FRMD6: variants seen among roughly 807,000 people sequenced by gnomAD.
FRMD6 encodes FERM domain containing 6, also known as FERM domain-containing protein 6.
A neutral mutation model predicts 73.2 loss-of-function variants in FRMD6; 37 were observed. The ratio of observed to expected loss-of-function variants is 0.51; its 90% CI spans 0.39 to 0.66. FRMD6 has a LOEUF of 0.66. Among genes scored for constraint, FRMD6 ranks in the 30% least tolerant of loss-of-function variants. The pLI is 0.00. For missense variants in FRMD6, 714 were observed against 780.5 expected, an observed-to-expected ratio of 0.91 and a Z score of 1.02; for synonymous variants, 273 against 282.2, an observed-to-expected ratio of 0.97 and a Z score of 0.33.
chr14:51,555,445 A>G (rs1307119842), intron 1 of FRMD6, among the ~76,000 whole-genome samples: 1 of 152,180 alleles, frequency 6.6e-6, no homozygotes, highest in Non-Finnish European at 1.5e-5. Flanking sequence ...GAGACAATTA[A>G]TTGGAAGCAC....
intron 2 of FRMD6, among the ~76,000 whole-genome samples, chr14:51,619,463 A>G (rs1375985298): frequency 6.6e-6 from 1 of 152,200 alleles, no homozygotes; most frequent in Non-Finnish European, 1.5e-5. Context: ...ACGTAAACAA[A>G]TAGTTACCCT....
chr14:51,430,804 C>T, the FRMD6 span, among the ~76,000 whole-genome samples: 1 of 152,110 alleles, frequency 6.6e-6, no homozygotes, highest in South Asian at 2.1e-4. Flanking sequence ...TTCAAGGGAT[C>T]TTTTATTCCC....
intron 2 of FRMD6, among the ~76,000 whole-genome samples, chr14:51,622,989 C>T (rs985354800): frequency 2.0e-5 from 3 of 152,084 alleles, no homozygotes; most frequent in Admixed American, 1.3e-4. Flanking sequence ...AGACTGGTCT[C>T]GAACTCCTAG....
Position 51,711,578 on chromosome 14 carries a change from G to A in FRMD6, c.762G>A (p.Arg254=), listed in dbSNP as rs1199542463. Residue 254 remains arginine, a synonymous_variant, in exon 8 of 14, where the codon AGG becomes AGA. Coordinates refer to ENST00000344768, the MANE Select transcript of FRMD6 (RefSeq NM_001267046.2). ...CGCTGACTCTTGGATTGACCATGAG[G>A]GGAATACAGATTTTTCAGGTTGGTA... is the stretch of plus-strand genomic sequence containing the variant. The part of the protein sequence containing the change: ...EASLTLGLTM[R]GIQIFQNLDE... 6.2e-6 allele frequency: 10 copies of A among 1,606,776 alleles called. No individual in the cohort carries two copies. In the Middle Eastern group the frequency reaches 6.6e-4, roughly 107 times the overall value.
chr14:51,412,957 A>C, the FRMD6 span, among the ~76,000 whole-genome samples: 1 of 152,010 alleles, frequency 6.6e-6, no homozygotes, highest in Non-Finnish European at 1.5e-5. Context: ...GCACCTGTAA[A>C]GATAAACTGT....
the FRMD6 span, among the ~76,000 whole-genome samples, chr14:51,400,352 G>A: frequency 6.6e-6 from 1 of 152,048 alleles, no homozygotes; most frequent in African/African-American, 2.4e-5. Flanking sequence ...TGCAAGTGAG[G>A]TCATATGGTA....
intron 5 of FRMD6, 29 bp downstream of exon 5, chr14:51,702,617 C>A: frequency 6.4e-7 from 1 of 1,555,228 alleles, no homozygotes; most frequent in African/African-American, 1.4e-5. Flanking sequence ...ATTCTAAACG[C>A]TTTTTTTTCC....
intron 1 of FRMD6, among the ~76,000 whole-genome samples, chr14:51,525,274 A>T (rs1461422214): frequency 1.3e-5 from 2 of 151,496 alleles, no homozygotes; most frequent in Non-Finnish European, 2.9e-5. Flanking sequence ...ATTTTTATTT[A>T]TTTATTTTTT....
intron 1 of FRMD6, among the ~76,000 whole-genome samples, chr14:51,560,693 A>G (rs184889294): frequency 1.5e-4 from 23 of 152,306 alleles, no homozygotes; most frequent in African/African-American, 5.3e-4. Context: ...CATGTTGATC[A>G]GTCTGGTCTC....
chr14:51,611,937 G>A (rs983179460), intron 2 of FRMD6, among the ~76,000 whole-genome samples: 1 of 151,886 alleles, frequency 6.6e-6, no homozygotes, highest in Non-Finnish European at 1.5e-5. Flanking sequence ...AAAAAACAGT[G>A]GCAGAAAAAT....
intron 2 of FRMD6, among the ~76,000 whole-genome samples, chr14:51,594,342 T>A (rs377624990): frequency 3.1e-5 from 2 of 65,162 alleles, no homozygotes; most frequent in East Asian, 2.9e-4. Flanking sequence ...TTATTTATTT[T>A]TTTGAGACGG....
At chr14:51,544,934 G>A (rs1206617096) in intron 1 of FRMD6, among the ~76,000 whole-genome samples, 1 of 151,970 alleles carries the variant, frequency 6.6e-6, no homozygotes, top group Non-Finnish European at 1.5e-5. Flanking sequence ...TTACAACTCA[G>A]TATTTTCCAT....
In FRMD6 at chr14:51,729,717, G is replaced by A. The variant is rs894117940; in HGVS notation, c.*1688G>A. The A allele has an allele frequency of 2.0e-5, 3 of 152,680 alleles. No homozygotes were observed. Among genetic ancestry groups the A allele is most frequent in the African/African-American group, 4.8e-5 (2 of 41,462 alleles). The allele number at this position is 152,680 out of a possible 1,614,324, so 9.5% of individuals were successfully genotyped here. A position where few individuals can be genotyped will look rare whatever the true frequency, so the allele number is the denominator to read the frequency against. ...CAGTGTTACCCCTGGCTGGGAGTCA[G>A]TATTATACAACAAATGGTGAGCTGG... is the stretch of plus-strand genomic sequence containing the variant. On this transcript the variant is annotated 3_prime_UTR_variant, in exon 14 of 14. Transcript: ENST00000344768.
intron 1 of FRMD6, among the ~76,000 whole-genome samples, chr14:51,558,038 C>T (rs116000938): frequency 0.012 from 1,879 of 151,786 alleles, 33 homozygotes; most frequent in African/African-American, 0.042. Flanking sequence ...CCGAAAGATA[C>T]AAAGATGATT....
chr14:51,674,361 G>A (rs1421744573), intron 1 of FRMD6, among the ~76,000 whole-genome samples: 1 of 152,142 alleles, frequency 6.6e-6, no homozygotes, highest in Non-Finnish European at 1.5e-5. Context: ...GCAATTAATT[G>A]TAGGCAATAT....
In FRMD6 at chr14:51,585,939, G is replaced by GTATATATATA. The variant is rs3060587; in HGVS notation, c.-147+15542_-147+15551dup. Among the ~76,000 whole-genome samples, 56 of 31,416 alleles carry GTATATATATA rather than the reference G, an allele frequency of 1.8e-3. 4 individuals are homozygous for GTATATATATA. Among genetic ancestry groups the GTATATATATA allele is most frequent in the African/African-American group, 3.7e-3 (54 of 14,638 alleles). 20.6% of individuals were successfully genotyped at this position (31,416 alleles called of 152,430 possible). ...TGCCATGGCATGTGTGTGTGTGTGT[G>GTATATATATA]TATATATATATATATATATATAACA... On this transcript the variant is annotated intron_variant, in intron 2 of 14. Coordinates refer to the FRMD6 transcript ENST00000356218.
chr14:51,551,440 A>G (rs1193746340), intron 1 of FRMD6, among the ~76,000 whole-genome samples: 1 of 152,212 alleles, frequency 6.6e-6, no homozygotes. Flanking sequence ...ATAGCCTTTT[A>G]ATTTTTATAT....
chr14:51,411,319 C>T, the FRMD6 span, among the ~76,000 whole-genome samples: 8 of 151,996 alleles, frequency 5.3e-5, no homozygotes, highest in Non-Finnish European at 8.8e-5. Context: ...GAGGTTATAA[C>T]GAACCAAATT....
chr14:51,662,548 A>T lies in FRMD6; in HGVS notation c.-147+10552A>T, dbSNP rs80309242. On this transcript the variant is annotated intron_variant, in intron 1 of 13. Coordinates refer to ENST00000344768, the MANE Select transcript of FRMD6 (RefSeq NM_001267046.2). ...AACCTGACAAAACAAGCAATGGGGA[A>T]AGAATTCCCTATGCATTGAATGGTG... 3.2e-3 allele frequency among the ~76,000 whole-genome samples: 482 copies of T among 152,336 alleles called. 1 individual carries two copies. The highest frequency in any genetic ancestry group is 3.6e-3 in the Non-Finnish European group (246 of 68,036).
Sources: gnomAD v4.1 joint callset for allele counts (sites outside exome capture counted in the v4.1 genomes callset) on GRCh38, gnomAD v4.1.1 for gene constraint, MANE v1.5 for transcripts, NCBI Gene and HGNC (gene_info 2026-07-23, HGNC 2026-07-21) for gene names.